The following ACSS1 variants were observed in gnomAD, a reference collection of about 807,000 sequenced individuals.
ACSS1 encodes the protein acyl-CoA synthetase short chain family member 1.
A neutral mutation model predicts 75.3 loss-of-function variants in ACSS1; 42 were observed. That is an observed-to-expected ratio of 0.56 (90% CI 0.44 to 0.72). ACSS1 has a LOEUF of 0.72. ACSS1 is among the 30% of genes least tolerant of loss of function. ACSS1 has a pLI of 0.00. For missense variants in ACSS1, 782 were observed against 935.7 expected (o/e 0.84, Z 2.14); for synonymous variants, 380 against 376.8 (o/e 1.01, Z -0.10).
intron 5 of ACSS1, among the ~76,000 whole-genome samples, 180 bp from the exon 6 acceptor site, chr20:25,021,716 G>A (rs1335265818): frequency 1.3e-5 from 2 of 152,154 alleles, no homozygotes; most frequent in Admixed American, 6.5e-5. Flanking sequence ...CTAGTTGTAC[G>A]TTTAACACAT....
chr20:25,026,924 C>T (rs1212878384), intron 3 of ACSS1, among the ~76,000 whole-genome samples: 2 of 152,224 alleles, frequency 1.3e-5, no homozygotes, highest in Non-Finnish European at 2.9e-5. Flanking sequence ...GCTACTAAAT[C>T]CCCACATGAT....
Position 25,057,911 on chromosome 20 carries a change from C to CT in ACSS1, c.191dup (p.Ala65GlyfsTer70). The CT allele has an allele frequency of 6.2e-7, 1 of 1,611,678 alleles. No homozygotes were observed. On this transcript the variant is annotated frameshift_variant, in exon 1 of 14. Transcript: ENST00000323482. LOFTEE classifies it high-confidence loss of function. Reference sequence around the variant, plus strand: ...AGAAGGCGGCCGGCTCCCGGGCTGCCTGTGCACTCAGCGCGGGATACGAGC... The same window carrying CT: ...AGAAGGCGGCCGGCTCCCGGGCTGCCTTGTGCACTCAGCGCGGGATACGAGC...
At position 25,013,648 on chromosome 20, in the gene ACSS1, C is replaced by T. The variant is rs1203296995; in HGVS notation, c.1467G>A (p.Glu489=). 3.1e-6 allele frequency: 5 copies of T among 1,604,420 alleles called. No individual in the cohort carries two copies. In the Admixed American group the frequency reaches 5.0e-5, roughly 16 times the overall value. ...VLMDEKGSVV[E]GSNVSGALCI... Reference sequence around the variant, plus strand: ...ACAGGGCCCCGGAGACGTTGCTGCCCTCCACGACGCTGCCCTGTAGACCCC... The same window carrying T: ...ACAGGGCCCCGGAGACGTTGCTGCCTTCCACGACGCTGCCCTGTAGACCCC... The change falls in exon 10 of 14, where the codon GAG becomes GAA. Residue 489 remains glutamate (E), a synonymous_variant. Coordinates refer to ENST00000323482, the MANE Select transcript of ACSS1 (RefSeq NM_032501.4).
intron 2 of ACSS1, among the ~76,000 whole-genome samples, chr20:25,041,504 G>A (rs1014211863): frequency 5.9e-5 from 9 of 152,156 alleles, no homozygotes; most frequent in South Asian, 2.1e-4. Flanking sequence ...CCAGGCCACC[G>A]CACGTGGCCT....
In ACSS1 at chr20:25,023,182, G is replaced by T. The variant is rs2088654944; in HGVS notation, c.808-90C>A. 1.2e-5 allele frequency: 18 copies of T among 1,468,248 alleles called. 1 individual carries two copies. In the South Asian group the frequency reaches 2.4e-4, roughly 20 times the overall value. 91.0% of individuals were successfully genotyped at this position (1,468,248 alleles called of 1,614,324 possible). A position where few individuals can be genotyped will look rare whatever the true frequency, so the allele number is the denominator to read the frequency against. ...CCTCCGCAGCAGGACTCCACACACA[G>T]GATTCAGAATTCACCTGCTCTGACC... On this transcript the variant is annotated intron_variant, in intron 4 of 13. Coordinates refer to ENST00000323482, the MANE Select transcript of ACSS1 (RefSeq NM_032501.4).
intron 2 of ACSS1, among the ~76,000 whole-genome samples, chr20:25,041,276 C>A (rs1455427708): frequency 6.7e-6 from 1 of 148,204 alleles, no homozygotes; most frequent in East Asian, 1.9e-4. Context: ...AAAAAAAAAA[C>A]CTGTTAATTT....
At chr20:25,046,777 C>T in intron 2 of ACSS1, 1 of 779,472 alleles carries the variant, frequency 1.3e-6, no homozygotes, top group East Asian at 2.4e-5. Flanking sequence ...GTGCAGGGGC[C>T]ACCTGGGGGG....
At chr20:25,039,269 C>T (rs1436344836) in intron 2 of ACSS1, among the ~76,000 whole-genome samples, 1 of 152,220 alleles carries the variant, frequency 6.6e-6, no homozygotes, top group African/African-American at 2.4e-5. Context: ...GATTCAAACC[C>T]AGGCCCAGCT....
intron 1 of ACSS1, among the ~76,000 whole-genome samples, chr20:25,050,151 G>A (rs1252917187): frequency 1.3e-5 from 2 of 152,140 alleles, no homozygotes; most frequent in Admixed American, 6.5e-5. Flanking sequence ...GCATACAGTT[G>A]TGCTAACCAC....
At chr20:25,032,333 G>C (rs1277830839) in intron 2 of ACSS1, 6 of 1,309,726 alleles carry the variant, frequency 4.6e-6, no homozygotes, top group Non-Finnish European at 2.9e-6. Context: ...ACTCAACTCC[G>C]GGAAAACTGG....
At chr20:25,046,554 G>T in intron 2 of ACSS1, 1 of 510,978 alleles carries the variant, frequency 2.0e-6, no homozygotes, top group East Asian at 3.5e-5. Context: ...CCATGGCTGG[G>T]CCCTCCCTGC....
intron 4 of ACSS1, 60 bp from the exon 5 acceptor site, chr20:25,023,152 C>G (rs1228347699): frequency 1.3e-6 from 2 of 1,557,156 alleles, no homozygotes; most frequent in South Asian, 2.4e-5. Flanking sequence ...GAGAGCAGCA[C>G]TCCCCCTCCG....
intron 1 of ACSS1, among the ~76,000 whole-genome samples, chr20:25,050,600 T>G (rs1184625315): frequency 6.6e-6 from 1 of 151,292 alleles, no homozygotes; most frequent in Non-Finnish European, 1.5e-5. Context: ...GCCCTCTGCA[T>G]GGCCTGGTGA....
rs530692882 is a variant in ACSS1, at chr20:25,012,552, T to A, written c.1771+49A>T. On this transcript the variant is annotated intron_variant, in intron 12 of 13. Coordinates refer to ENST00000323482, the MANE Select transcript of ACSS1 (RefSeq NM_032501.4). ...GCTCCTCGTACAGAGGTGCCCATAA[T>A]GGGTGTGGGGTCAGGAATCAGGGAG... 61 of 1,604,260 alleles carry A rather than the reference T, an allele frequency of 3.8e-5. 1 individual carries two copies. In the Admixed American group the frequency reaches 1.0e-3, roughly 27 times the overall value.
At chr20:25,045,566 G>C (rs2089075285) in intron 2 of ACSS1, among the ~76,000 whole-genome samples, 1 of 152,238 alleles carries the variant, frequency 6.6e-6, no homozygotes, top group Admixed American at 6.5e-5. Flanking sequence ...TTTCTTTAAA[G>C]GGCCCAGGCT....
intron 2 of ACSS1, 140 bp from the exon 3 acceptor site, chr20:25,031,098 T>G (rs1448926053): frequency 1.2e-6 from 1 of 840,656 alleles, no homozygotes; most frequent in Admixed American, 2.1e-5. Context: ...GAATACTTAA[T>G]GCATGGAAAG....
At chr20:25,009,767 C>CA (rs1165091679) in intron 12 of ACSS1, 1 of 186,088 alleles carries the variant, frequency 5.4e-6, no homozygotes, top group Admixed American at 5.8e-5. Context: ...TGCACAGATG[C>CA]ACAGCAAATG....
chr20:25,030,657 T>C, intron 3 of ACSS1, 102 bp downstream of exon 3: 4 of 1,319,110 alleles, frequency 3.0e-6, no homozygotes, highest in Non-Finnish European at 4.2e-6. Flanking sequence ...CTGTGTGACA[T>C]TAATGTCTGC....
rs765069217 is a variant in ACSS1, at chr20:25,023,578, T to C, written c.695A>G (p.Lys232Arg). 1 of 1,614,060 alleles carries C rather than the reference T, an allele frequency of 6.2e-7. No homozygotes were observed. Among genetic ancestry groups the C allele is most frequent in the East Asian group, 2.2e-5 (1 of 44,882 alleles). The change falls in exon 4 of 14, where the codon AAG (lysine) becomes AGG (arginine). Residue 232 changes from lysine (K) to arginine (R), a missense_variant. By Grantham distance (26) the Lys-to-Arg change is conservative. Coordinates refer to ENST00000323482, the MANE Select transcript of ACSS1 (RefSeq NM_032501.4). ...GLRGGRVVEL[K>R]KIVDEAVKHC... ...CTTCACAGCCTCATCCACTATTTTC[T>C]TCAGCTCCACCACGCGCCCACCCCG... is the stretch of plus-strand genomic sequence containing the variant.
Sources: gnomAD v4.1 joint callset for allele counts (sites outside exome capture counted in the v4.1 genomes callset) on GRCh38, gnomAD v4.1.1 for gene constraint, MANE v1.5 for transcripts, NCBI Gene and HGNC (gene_info 2026-07-23, HGNC 2026-07-21) for gene names.